Variants in JARID2 observed in about 807,000 individuals in gnomAD.
The protein encoded by JARID2 is protein Jumonji.
A neutral mutation model predicts 125.6 loss-of-function variants in JARID2; 21 were observed. The ratio of observed to expected loss-of-function variants is 0.17; its 90% CI spans 0.12 to 0.24. The LOEUF is 0.24. Among genes scored for constraint, JARID2 ranks in the 10% least tolerant of loss-of-function variants. JARID2 has a pLI of 1.00. For synonymous variants in JARID2, 736 were observed against 661.6 expected (o/e 1.11, Z -1.73); for missense variants, 1,303 against 1,639.6 (o/e 0.79, Z 3.55).
intron 3 of JARID2, among the ~76,000 whole-genome samples, chr6:15,433,924 GTGT>G (rs1561860295): frequency 7.9e-4 from 20 of 25,370 alleles, no homozygotes; most frequent in African/African-American, 2.4e-3. Context: ...TCTCCAGGGT[GTGT>G]GTGTGTGTGT....
intron 1 of JARID2, among the ~76,000 whole-genome samples, chr6:15,275,079 TGTGACTTGGG>T (rs2127361305): frequency 6.6e-6 from 1 of 152,338 alleles, no homozygotes; most frequent in South Asian, 2.1e-4. Flanking sequence ...CCTCCATCTC[TGTGACTTGGG>T]GTGACAACCT....
intron 9 of JARID2, among the ~76,000 whole-genome samples, chr6:15,506,026 C>T (rs1334038187): frequency 2.6e-5 from 4 of 152,362 alleles, no homozygotes; most frequent in South Asian, 4.1e-4. Context: ...CATTTTACAG[C>T]CTCTTATTCA....
intron 3 of JARID2, among the ~76,000 whole-genome samples, chr6:15,423,056 G>T (rs1766571375): frequency 6.7e-6 from 1 of 149,996 alleles, no homozygotes; most frequent in Non-Finnish European, 1.5e-5. Flanking sequence ...CTGGAGTGCA[G>T]TGTTACGATA....
At chr6:15,298,070 A>G (rs12206745) in intron 1 of JARID2, among the ~76,000 whole-genome samples, 6,141 of 152,304 alleles carry the variant, frequency 0.04, 172 homozygotes, top group South Asian at 0.11. Context: ...TAGCAGAAAC[A>G]TAGTAGCCAA....
chr6:15,367,072 A>G (rs1342729209), intron 1 of JARID2, among the ~76,000 whole-genome samples: 1 of 152,118 alleles, frequency 6.6e-6, no homozygotes, highest in African/African-American at 2.4e-5. Context: ...CCCAGTTTCC[A>G]CGAGGTATTT....
chr6:15,377,342 G>C (rs901039546), intron 2 of JARID2, among the ~76,000 whole-genome samples: 1 of 152,154 alleles, frequency 6.6e-6, no homozygotes, highest in Non-Finnish European at 1.5e-5. Flanking sequence ...AGAATAGCAC[G>C]GGAAAGGCCA....
intron 2 of JARID2, among the ~76,000 whole-genome samples, chr6:15,405,968 C>T (rs1238442701): frequency 1.3e-5 from 2 of 151,816 alleles, no homozygotes; most frequent in Admixed American, 6.6e-5. Context: ...TGGTCGCCAG[C>T]GGGGGGGTTA....
At chr6:15,500,871 C>CT in intron 7 of JARID2, 36 bp from the exon 8 acceptor site, 1 of 1,555,328 alleles carries the variant, frequency 6.4e-7, no homozygotes, top group Admixed American at 1.9e-5. Context: ...GTCTCTTTCA[C>CT]TAACTGTCCC....
intron 1 of JARID2, among the ~76,000 whole-genome samples, chr6:15,294,048 C>T (rs528319612): frequency 2.9e-4 from 44 of 152,360 alleles, no homozygotes; most frequent in Non-Finnish European, 1.0e-4. Flanking sequence ...GTAGTCAGGA[C>T]TTCTACTTCC....
At chr6:15,306,055 G>A (rs1298986592) in intron 1 of JARID2, among the ~76,000 whole-genome samples, 2 of 152,142 alleles carry the variant, frequency 1.3e-5, no homozygotes, top group African/African-American at 2.4e-5. Flanking sequence ...CTTTCTAAAC[G>A]TCAGATTTTT....
chr6:15,258,959 G>A (rs1641170043), intron 1 of JARID2, among the ~76,000 whole-genome samples: 1 of 152,210 alleles, frequency 6.6e-6, no homozygotes, highest in African/African-American at 2.4e-5. Context: ...TAGAAATTCA[G>A]ATAATAAGGG....
chr6:15,468,866 A>G (rs1359281060), intron 5 of JARID2, 148 bp downstream of exon 5: 4 of 720,516 alleles, frequency 5.6e-6, no homozygotes, highest in Non-Finnish European at 4.5e-6. Context: ...CAAAGGGATT[A>G]TTAGTGTAGC....
intron 2 of JARID2, among the ~76,000 whole-genome samples, chr6:15,375,865 T>G (rs1435085354): frequency 6.6e-6 from 1 of 152,240 alleles, no homozygotes; most frequent in African/African-American, 2.4e-5. Context: ...CCTTAGTGTT[T>G]CTTGGCATTG....
intron 1 of JARID2, among the ~76,000 whole-genome samples, chr6:15,343,952 T>A (rs929483495): frequency 2.0e-5 from 3 of 152,188 alleles, no homozygotes; most frequent in Non-Finnish European, 4.4e-5. Flanking sequence ...AGCTCCAGAC[T>A]ATTAAGCTCG....
intron 2 of JARID2, among the ~76,000 whole-genome samples, chr6:15,408,117 A>T (rs1256981572): frequency 6.6e-6 from 1 of 152,090 alleles, no homozygotes; most frequent in Non-Finnish European, 1.5e-5. Context: ...TACAAGGATT[A>T]GCTGGGCATG....
chr6:15,259,178 A>G (rs1440075596), intron 1 of JARID2, among the ~76,000 whole-genome samples: 2 of 152,178 alleles, frequency 1.3e-5, no homozygotes, highest in Admixed American at 1.3e-4. Context: ...TGAATGAACT[A>G]CTTTGCCTGC....
At chr6:15,497,900 A>G (rs1770542670) in intron 7 of JARID2, among the ~76,000 whole-genome samples, 1 of 152,116 alleles carries the variant, frequency 6.6e-6, no homozygotes, top group South Asian at 2.1e-4. Flanking sequence ...TGGCTTGTGC[A>G]TGGCTGTTTT....
chr6:15,354,993 C>G (rs1047573509), intron 1 of JARID2, among the ~76,000 whole-genome samples: 2 of 152,078 alleles, frequency 1.3e-5, no homozygotes, highest in African/African-American at 2.4e-5. Flanking sequence ...GATAAGAGTT[C>G]AAGAAAGAAA....
intron 2 of JARID2, among the ~76,000 whole-genome samples, chr6:15,392,475 G>A (rs994634773): frequency 2.6e-5 from 4 of 152,014 alleles, no homozygotes; most frequent in Non-Finnish European, 5.9e-5. Flanking sequence ...TGAGGAGGGG[G>A]TTCTAAGCTT....
Sources: gnomAD v4.1 joint callset for allele counts (sites outside exome capture counted in the v4.1 genomes callset) on GRCh38, gnomAD v4.1.1 for gene constraint, MANE v1.5 for transcripts, NCBI Gene and HGNC (gene_info 2026-07-23, HGNC 2026-07-21) for gene names.